Variants in STXBP5 observed in about 807,000 individuals in gnomAD.
The protein encoded by STXBP5 is syntaxin-binding protein 5.
Under a neutral mutation model 152.4 loss-of-function variants are expected in STXBP5, and 50 were observed. The ratio of observed to expected loss-of-function variants is 0.33; its 90% CI spans 0.26 to 0.42. STXBP5 has a LOEUF of 0.42. Ranked by LOEUF, STXBP5 falls within the 10% of genes least tolerant of loss-of-function variation. STXBP5 has a pLI of 1.00. For missense variants in STXBP5, 1,167 were observed against 1,388.6 expected, an observed-to-expected ratio of 0.84 and a Z score of 2.54; for synonymous variants, 492 against 494.7, an observed-to-expected ratio of 0.99 and a Z score of 0.07.
Position 147,389,594 on chromosome 6 carries a change from A to C in STXBP5, c.*4839A>C, listed in dbSNP as rs1786497580. On this transcript the variant is annotated 3_prime_UTR_variant, in exon 28 of 28. Coordinates refer to ENST00000321680, the MANE Select transcript of STXBP5 (RefSeq NM_001127715.4). ...TTTATAGTGTATGACATGTAAATAA[A>C]CCAGTATTTATTGTAGGTTGTTTGA... 1 of 151,870 alleles carries C rather than the reference A, an allele frequency of 6.6e-6. No homozygotes were observed. Among genetic ancestry groups the C allele is most frequent in the Non-Finnish European group, 1.5e-5 (1 of 67,822 alleles). The allele number at this position is 151,870 out of a possible 1,614,324, so 9.4% of individuals were successfully genotyped here.
chr6:147,311,089 C>T (rs1011543339), intron 10 of STXBP5, among the ~76,000 whole-genome samples: 2 of 152,070 alleles, frequency 1.3e-5, no homozygotes, highest in African/African-American at 4.8e-5. Flanking sequence ...ACATATGAAA[C>T]ATCCAAGAAA....
At chr6:147,263,187 G>A (rs1042631731) in intron 6 of STXBP5, among the ~76,000 whole-genome samples, 1 of 151,864 alleles carries the variant, frequency 6.6e-6, no homozygotes, top group Non-Finnish European at 1.5e-5. Context: ...TAATTAGACC[G>A]TTTGGAGTTA....
intron 25 of STXBP5, among the ~76,000 whole-genome samples, chr6:147,370,156 A>G (rs754106887): frequency 6.6e-6 from 1 of 152,090 alleles, no homozygotes; most frequent in African/African-American, 2.4e-5. Context: ...AAAAGAGTAC[A>G]TGTTGTTCTA....
intron 16 of STXBP5, among the ~76,000 whole-genome samples, chr6:147,322,532 A>G (rs538250379): frequency 1.3e-5 from 2 of 152,296 alleles, no homozygotes; most frequent in South Asian, 2.1e-4. Flanking sequence ...AGAAATACCA[A>G]CTGAATAATT....
In STXBP5 at chr6:147,251,692, C is replaced by T. The variant is rs138611768; in HGVS notation, c.432-8923C>T. ...AGCAGACTTAAACGTTCCTGCCTGC[C>T]GGCTCTGAAGAGAGCAGCAGATCTC... On this transcript the variant is annotated intron_variant, in intron 4 of 27. Transcript: ENST00000321680. Among the ~76,000 whole-genome samples the T allele has an allele frequency of 1.6e-3, 238 of 152,310 alleles. 1 individual carries two copies. Among genetic ancestry groups the T allele is most frequent in the African/African-American group, 5.2e-3 (217 of 41,588 alleles).
intron 4 of STXBP5, among the ~76,000 whole-genome samples, chr6:147,255,994 A>G (rs997128549): frequency 6.6e-6 from 1 of 152,198 alleles, no homozygotes; most frequent in Admixed American, 6.5e-5. Flanking sequence ...AACAGAAACC[A>G]CTGCAGATAT....
At chr6:147,242,524 C>T (rs950360005) in intron 4 of STXBP5, among the ~76,000 whole-genome samples, 1 of 152,134 alleles carries the variant, frequency 6.6e-6, no homozygotes, top group Admixed American at 6.6e-5. Flanking sequence ...CTGCAAGCTC[C>T]GTTCATGATA....
intron 9 of STXBP5, among the ~76,000 whole-genome samples, chr6:147,298,762 A>G (rs1361947375): frequency 6.6e-6 from 1 of 152,040 alleles, no homozygotes; most frequent in Non-Finnish European, 1.5e-5. Context: ...GAAAATGGAA[A>G]ATAAATGATT....
intron 11 of STXBP5, 33 bp downstream of exon 11, chr6:147,311,560 A>C (rs1782376476): frequency 1.3e-6 from 2 of 1,528,414 alleles, no homozygotes; most frequent in Non-Finnish European, 1.8e-6. Flanking sequence ...TGATTCTATC[A>C]GTATGTGGTT....
rs558396669 is a variant in STXBP5, at chr6:147,286,561, A to G, written c.839-4533A>G. On this transcript the variant is annotated intron_variant, in intron 8 of 27. Coordinates refer to ENST00000321680, the MANE Select transcript of STXBP5 (RefSeq NM_001127715.4). Reference sequence around the variant, plus strand: ...TATTAAACTAGCACTCAGATGATTGATAGCTTATTAATTATTAAGAGGAAA... The same window carrying G: ...TATTAAACTAGCACTCAGATGATTGGTAGCTTATTAATTATTAAGAGGAAA... 2.6e-5 allele frequency among the ~76,000 whole-genome samples: 4 copies of G among 152,312 alleles called. No individual in the cohort carries two copies. The South Asian group carries it at 6.2e-4, about 24-fold the overall frequency.
chr6:147,289,234 C>T (rs897049411), intron 8 of STXBP5, among the ~76,000 whole-genome samples: 1 of 152,138 alleles, frequency 6.6e-6, no homozygotes, highest in African/African-American at 2.4e-5. Flanking sequence ...CCTCTCCTGC[C>T]CCACTCATGC....
At chr6:147,245,952 T>C (rs757461713) in intron 4 of STXBP5, among the ~76,000 whole-genome samples, 1 of 152,194 alleles carries the variant, frequency 6.6e-6, no homozygotes, top group Non-Finnish European at 1.5e-5. Flanking sequence ...CCTCCAGAAC[T>C]GTGAGAGAAT....
At chr6:147,267,042 T>C in intron 6 of STXBP5, 42 bp from the exon 7 acceptor site, 1 of 1,469,152 alleles carries the variant, frequency 6.8e-7, no homozygotes, top group Non-Finnish European at 9.4e-7. Flanking sequence ...GTTTTATAAT[T>C]GATATCATTC....
At chr6:147,378,026 G>A (rs150556384) in intron 26 of STXBP5, among the ~76,000 whole-genome samples, 263 of 152,090 alleles carry the variant, frequency 1.7e-3, no homozygotes, top group South Asian at 4.6e-3. Context: ...AATGAAAGTC[G>A]ACAAAAAGCT....
intron 6 of STXBP5, among the ~76,000 whole-genome samples, chr6:147,264,422 TTACTTTAC>T (rs2115355442): frequency 6.6e-6 from 1 of 152,240 alleles, no homozygotes; most frequent in Non-Finnish European, 1.5e-5. Flanking sequence ...GAAATTTCCC[TTACTTTAC>T]AAATTATAAA....
At chr6:147,225,635 G>T (rs1172050356) in intron 2 of STXBP5, among the ~76,000 whole-genome samples, 1 of 152,190 alleles carries the variant, frequency 6.6e-6, no homozygotes, top group African/African-American at 2.4e-5. Flanking sequence ...GTCAGAATAT[G>T]TGTGTCAGAC....
At chr6:147,337,358 G>C (rs1783883792) in intron 19 of STXBP5, among the ~76,000 whole-genome samples, 2 of 151,944 alleles carry the variant, frequency 1.3e-5, no homozygotes, top group African/African-American at 4.8e-5. Flanking sequence ...ATAAGCTGTA[G>C]ATATTATCTG....
chr6:147,254,900 A>C (rs137982992), intron 4 of STXBP5, among the ~76,000 whole-genome samples: 3,384 of 152,316 alleles, frequency 0.022, 132 homozygotes, highest in African/African-American at 0.078. Context: ...ATTGTGGAAG[A>C]CAGTGTGGTG....
At position 147,291,177 on chromosome 6, in the gene STXBP5, G is replaced by A; in HGVS notation, c.917+5G>A. 1 of 1,610,212 alleles carries A rather than the reference G, an allele frequency of 6.2e-7. No homozygotes were observed. The highest frequency in any genetic ancestry group is 8.5e-7 in the Non-Finnish European group (1 of 1,177,568). ...ATTCAAAACGACTAGATCTGGGTAA[G>A]ATTTTACTTCATTGCCAATGTTCAT... is the stretch of plus-strand genomic sequence containing the variant. On this transcript the variant is annotated splice_donor_5th_base_variant and intron_variant, in intron 9 of 27. Transcript: ENST00000321680.
Sources: gnomAD v4.1 joint callset for allele counts (sites outside exome capture counted in the v4.1 genomes callset) on GRCh38, gnomAD v4.1.1 for gene constraint, MANE v1.5 for transcripts, NCBI Gene and HGNC (gene_info 2026-07-23, HGNC 2026-07-21) for gene names.